Variants in LRP1 observed in about 807,000 individuals in gnomAD.
LRP1 encodes the protein prolow-density lipoprotein receptor-related protein 1.
A neutral mutation model predicts 541.5 loss-of-function variants in LRP1; 51 were observed. That is an observed-to-expected ratio of 0.09 (90% CI 0.08 to 0.12). The LOEUF is 0.12. LRP1 is among the 10% of genes least tolerant of loss of function. LRP1 has a pLI of 1.00. For missense variants in LRP1, 3,878 were observed against 6,376.2 expected (o/e 0.61, Z 13.34); for synonymous variants, 2,219 against 2,470.8 (o/e 0.90, Z 3.02).
At position 57,154,501 on chromosome 12, in the gene LRP1, G is replaced by T. The variant is rs2035582366; in HGVS notation, c.1027G>T (p.Gly343Trp). ...CAGGAAGGTGTTTTTCACTGACTAT[G>T]GGCAGATCCCAAAGGTGGAACGCTG... ...AMGKVFFTDY[G>W]QIPKVERCDM... The change falls in exon 8 of 89, where the codon GGG (glycine) becomes TGG (tryptophan). Residue 343 changes from glycine (G) to tryptophan (W), a missense_variant. Gly to Trp is a radical substitution (Grantham distance 184). This residue lies in a region of LRP1 where 496 missense variants were observed against 861.0 expected (regional missense o/e 0.58). Coordinates refer to ENST00000243077, the MANE Select transcript of LRP1 (RefSeq NM_002332.3). The surrounding 1 kb of genome is among the most constrained non-coding windows in gnomAD (Gnocchi z 4.6). The T allele has an allele frequency of 6.2e-7, 1 of 1,614,038 alleles. No homozygotes were observed. Among genetic ancestry groups the T allele is most frequent in the Admixed American group, 1.7e-5 (1 of 60,010 alleles).
Position 57,178,736 on chromosome 12 carries a change from T to A in LRP1, c.4606+133T>A. The A allele has an allele frequency of 6.6e-7, 1 of 1,519,266 alleles. No individual in the cohort carries two copies. Among genetic ancestry groups the A allele is most frequent in the South Asian group, 1.2e-5 (1 of 80,310 alleles). 94.1% of individuals were successfully genotyped at this position (1,519,266 alleles called of 1,614,324 possible). The stretch of plus-strand genomic sequence containing the variant: ...GCTGGGATGGCAGGGGTAGGCCGGC[T>A]GTTGACAGAGGCACTGTCTAGCAGC... On this transcript the variant is annotated intron_variant, in intron 27 of 88. Transcript: ENST00000243077. The surrounding 1 kb of genome is among the most constrained non-coding windows in gnomAD (Gnocchi z 5.8).
chr12:57,172,179 TC>T (rs1317031672), intron 20 of LRP1, among the ~76,000 whole-genome samples: 6 of 151,488 alleles, frequency 4.0e-5, no homozygotes, highest in Non-Finnish European at 8.8e-5. Context: ...TTCTTTTCTT[TC>T]TTTTTTTTTT....
At chr12:57,134,698 T>C (rs1211008205) in intron 1 of LRP1, among the ~76,000 whole-genome samples, 2 of 151,858 alleles carry the variant, frequency 1.3e-5, no homozygotes, top group East Asian at 3.9e-4. Flanking sequence ...TGGTTTCCTT[T>C]CTTTCTTTCT....
At position 57,183,906 on chromosome 12, in the gene LRP1, G is replaced by A. The variant is rs1181908708; in HGVS notation, c.5926G>A (p.Ala1976Thr). 20 of 1,614,004 alleles carry A rather than the reference G, an allele frequency of 1.2e-5. No homozygotes were observed. The highest frequency in any genetic ancestry group is 3.3e-5 in the Admixed American group (2 of 60,002). ...RVEGIAVDWIAGNIYWTDQGF... is the reference protein window; with the variant it reads ...RVEGIAVDWITGNIYWTDQGF... ...GGAGGGCATTGCAGTGGACTGGATC[G>A]CAGGTGAGCAGTGGGCAGGTTTGTG... The change falls in exon 36 of 89, where the codon GCA becomes ACA. Residue 1976 changes from alanine to threonine, a missense_variant. Ala to Thr is a moderately conservative substitution (Grantham distance 58). Coordinates refer to ENST00000243077, the MANE Select transcript of LRP1 (RefSeq NM_002332.3). This position sits in a 1 kb window ranked among gnomAD's most constrained non-coding sequence, Gnocchi z 6.1.
chr12:57,211,388 G>A lies in LRP1; in HGVS notation c.13091+38G>A. 6.2e-7 allele frequency: 1 copy of A among 1,610,430 alleles called. No homozygotes were observed. ...CTCCTCCACAGTTCCACCCAGCTGG[G>A]CCCCTGCCCTGTCCTAGCCCTGCCC... On this transcript the variant is annotated intron_variant, in intron 84 of 88. Transcript: ENST00000243077. The surrounding 1 kb of genome is among the most constrained non-coding windows in gnomAD (Gnocchi z 4.3).
At chr12:57,203,336 C>T (rs770240082) in intron 69 of LRP1, 49 bp downstream of exon 69, 5 of 1,589,750 alleles carry the variant, frequency 3.1e-6, no homozygotes, top group African/African-American at 1.3e-5. Context: ...GGAGTTCAGG[C>T]AGGGCTTGGG....
intron 17 of LRP1, among the ~76,000 whole-genome samples, chr12:57,166,579 G>A (rs2035844562): frequency 6.6e-6 from 1 of 152,046 alleles, no homozygotes; most frequent in Non-Finnish European, 1.5e-5. Flanking sequence ...AATGAAAGGA[G>A]CAAAAGAATT....
Position 57,165,829 on chromosome 12 carries a change from C to T in LRP1, c.2555C>T (p.Pro852Leu), listed in dbSNP as rs780664677. 8.7e-6 allele frequency: 14 copies of T among 1,614,264 alleles called. No individual in the cohort carries two copies. Among genetic ancestry groups the T allele is most frequent in the Non-Finnish European group, 1.2e-5 (14 of 1,180,046 alleles). ...CLANPSYVPP[P>L]QCQPGEFACA... is the part of the protein sequence containing the mutation. ...GCGAACCCATCCTACGTGCCTCCAC[C>T]CCAGTGCCAGCCAGGCGAGTTTGCC... The change falls in exon 16 of 89, where the codon CCC becomes CTC. Residue 852 changes from proline to leucine, a missense_variant. This residue lies in a region of LRP1 where 496 missense variants were observed against 861.0 expected (regional missense o/e 0.58). Transcript: ENST00000243077. The surrounding 1 kb of genome is among the most constrained non-coding windows in gnomAD (Gnocchi z 4.5).
Position 57,185,580 on chromosome 12 carries a change from G to A in LRP1, c.6513G>A (p.Leu2171=). Residue 2171 remains leucine, a synonymous_variant, in exon 41 of 89, where the codon CTG becomes CTA. Transcript: ENST00000243077. This position sits in a 1 kb window ranked among gnomAD's most constrained non-coding sequence, Gnocchi z 4.9. ...ATGGCGGGTGCCAGCAGCTGTGCCT[G>A]TACCGGGGCCGTGGGCAGCGGGCCT... ...VANGGCQQLC[L]YRGRGQRACA... is the part of the protein sequence containing the mutation. 2 of 1,602,880 alleles carry A rather than the reference G, an allele frequency of 1.2e-6. No individual in the cohort carries two copies. Among genetic ancestry groups the A allele is most frequent in the Non-Finnish European group, 1.7e-6 (2 of 1,175,868 alleles).
At chr12:57,171,319 G>T (rs1445331945) in intron 20 of LRP1, among the ~76,000 whole-genome samples, 1 of 152,196 alleles carries the variant, frequency 6.6e-6, no homozygotes, top group African/African-American at 2.4e-5. Context: ...TTCAGGAGGA[G>T]TTGTGTTTAG....
At position 57,128,895 on chromosome 12, in the gene LRP1, C is replaced by CT. The variant is rs1038916813; in HGVS notation, c.-69dup. On this transcript the variant is annotated 5_prime_UTR_variant, in exon 1 of 89. Transcript: ENST00000243077. ...AAGGAGGAAAAGGGGGACCCCCCAA[C>CT]TGGGGGGGGTGAAGGAGAGAAGTAG... 5.0e-5 allele frequency: 68 copies of CT among 1,358,150 alleles called. No individual in the cohort carries two copies. The African/African-American group carries it at 8.7e-4, about 17-fold the overall frequency. 84.1% of individuals were successfully genotyped at this position (1,358,150 alleles called of 1,614,324 possible).
intron 20 of LRP1, among the ~76,000 whole-genome samples, chr12:57,170,663 TAAAC>T (rs939212434): frequency 2.6e-5 from 4 of 151,788 alleles, no homozygotes; most frequent in South Asian, 2.1e-4. Context: ...CTACAAAAAA[TAAAC>T]AAAATTAGCT....
At position 57,173,707 on chromosome 12, in the gene LRP1, C is replaced by G; in HGVS notation, c.3347-73C>G. On this transcript the variant is annotated intron_variant, in intron 21 of 88. Coordinates refer to ENST00000243077, the MANE Select transcript of LRP1 (RefSeq NM_002332.3). This position sits in a 1 kb window ranked among gnomAD's most constrained non-coding sequence, Gnocchi z 4.7. ...ATCCTGACCCTATTAGAGAAGCCCACAGGGTCTGGAAGGAAGGGCAGGGGG... is the reference window on the plus strand; with the variant it reads ...ATCCTGACCCTATTAGAGAAGCCCAGAGGGTCTGGAAGGAAGGGCAGGGGG... 2 of 1,498,724 alleles carry G rather than the reference C, an allele frequency of 1.3e-6. No homozygotes were observed. Among genetic ancestry groups the G allele is most frequent in the Non-Finnish European group, 1.9e-6 (2 of 1,076,958 alleles). The allele number at this position is 1,498,724 out of a possible 1,614,324, so 92.8% of individuals were successfully genotyped here. A position where few individuals can be genotyped will look rare whatever the true frequency, so the allele number is the denominator to read the frequency against.
In LRP1 at chr12:57,205,795, C is replaced by G. The variant is rs1174558104; in HGVS notation, c.11590+118C>G. 1.4e-6 allele frequency: 2 copies of G among 1,434,610 alleles called. No individual in the cohort carries two copies. The highest frequency in any genetic ancestry group is 2.8e-5 in the African/African-American group (2 of 70,908). The allele number at this position is 1,434,610 out of a possible 1,614,324, so 88.9% of individuals were successfully genotyped here. On this transcript the variant is annotated intron_variant, in intron 75 of 88. Transcript: ENST00000243077. This position sits in a 1 kb window ranked among gnomAD's most constrained non-coding sequence, Gnocchi z 4.6. ...GACATCTTGCCCAGACAAGAAGCCC[C>G]AGACTCATAGTTGCAGCTGCCTGAG...
rs955558855 is a variant in LRP1, at chr12:57,205,052, C to T, written c.11195-57C>T. ...GAGCCACTGTTATCTATGGGGTTGC[C>T]GTGGGAGGAGGAGGCAGGGGAGAAT... On this transcript the variant is annotated intron_variant, in intron 72 of 88. Coordinates refer to ENST00000243077, the MANE Select transcript of LRP1 (RefSeq NM_002332.3). This position sits in a 1 kb window ranked among gnomAD's most constrained non-coding sequence, Gnocchi z 4.6. 7.7e-6 allele frequency: 12 copies of T among 1,558,216 alleles called. No homozygotes were observed. The highest frequency in any genetic ancestry group is 1.9e-5 in the Admixed American group (1 of 53,328).
Position 57,199,381 on chromosome 12 carries a change from T to C in LRP1, c.9846T>C (p.His3282=). ...GGCCCATGGACCTGCATGTCTTCCATGCCCTGCGCCAGCCAGACGGTGAGC... is the reference window on the plus strand; with the variant it reads ...GGCCCATGGACCTGCATGTCTTCCACGCCCTGCGCCAGCCAGACGGTGAGC... ...LHRPMDLHVF[H]ALRQPDVPNH... Residue 3282 remains histidine, a synonymous_variant, in exon 61 of 89, where the codon CAT becomes CAC. Coordinates refer to ENST00000243077, the MANE Select transcript of LRP1 (RefSeq NM_002332.3). 1 of 1,610,882 alleles carries C rather than the reference T, an allele frequency of 6.2e-7. No homozygotes were observed. Among genetic ancestry groups the C allele is most frequent in the Non-Finnish European group, 8.5e-7 (1 of 1,179,078 alleles).
chr12:57,156,723 A>C lies in LRP1; in HGVS notation c.1418-54A>C. Reference sequence around the variant, plus strand: ...TGGTCAGATTCAGGAAGCCTTCTCAAGGCCTGGCACAGGGGCTCTGAGGGG... The same window carrying C: ...TGGTCAGATTCAGGAAGCCTTCTCACGGCCTGGCACAGGGGCTCTGAGGGG... On this transcript the variant is annotated intron_variant, in intron 9 of 88. Coordinates refer to ENST00000243077, the MANE Select transcript of LRP1 (RefSeq NM_002332.3). The surrounding 1 kb of genome is among the most constrained non-coding windows in gnomAD (Gnocchi z 5.2). 1 of 1,539,840 alleles carries C rather than the reference A, an allele frequency of 6.5e-7. No individual in the cohort carries two copies. The highest frequency in any genetic ancestry group is 1.9e-5 in the Admixed American group (1 of 52,360).
intron 11 of LRP1, 111 bp from the exon 12 acceptor site, chr12:57,159,714 C>A: frequency 9.5e-7 from 1 of 1,050,408 alleles, no homozygotes; most frequent in Non-Finnish European, 1.4e-6. Context: ...GGTCCCTGCA[C>A]CCCTCTGTAG....
chr12:57,208,349 G>A (rs1393175441), intron 77 of LRP1, 133 bp downstream of exon 77: 14 of 964,730 alleles, frequency 1.5e-5, no homozygotes, highest in Admixed American at 2.7e-5. Flanking sequence ...TCAGTCCCTT[G>A]GGTCTTCTCG....
Sources: gnomAD v4.1 joint callset for allele counts (sites outside exome capture counted in the v4.1 genomes callset) on GRCh38, gnomAD v4.1.1 for gene constraint, gnomAD v4.1.1 regional missense constraint, Gnocchi (gnomAD v3.1) non-coding constraint, MANE v1.5 for transcripts, NCBI Gene and HGNC (gene_info 2026-07-23, HGNC 2026-07-21) for gene names.